SLC24A2: variants seen among roughly 807,000 people sequenced by gnomAD.
SLC24A2 encodes the protein sodium/potassium/calcium exchanger 2.
A neutral mutation model predicts 62.0 loss-of-function variants in SLC24A2; 36 were observed. That is an observed-to-expected ratio of 0.58 (90% confidence interval 0.44 to 0.77). SLC24A2 has a LOEUF of 0.77. Ranked by LOEUF, SLC24A2 falls within the 30% of genes least tolerant of loss-of-function variation. The probability of loss-of-function intolerance (pLI) is 0.00; values close to 1 mark genes in which losing one functional copy is unlikely to be tolerated. For missense variants in SLC24A2, 846 were observed against 817.9 expected (o/e 1.03, Z -0.42); for synonymous variants, 358 against 294.0 (o/e 1.22, Z -2.23).
At chr9:20,086,687 C>G in the SLC24A2 span, among the ~76,000 whole-genome samples, 267 of 152,324 alleles carry the variant, frequency 1.8e-3, 1 homozygote, top group Non-Finnish European at 2.2e-3. Flanking sequence ...CTTTGCTCCT[C>G]TGTTGCCTCT....
the SLC24A2 span, among the ~76,000 whole-genome samples, chr9:19,846,269 T>C: frequency 1.3e-5 from 2 of 152,226 alleles, no homozygotes; most frequent in Non-Finnish European, 2.9e-5. Flanking sequence ...TGAACCCAAG[T>C]ATGCCAATGT....
At chr9:20,135,562 G>A in the SLC24A2 span, among the ~76,000 whole-genome samples, 1 of 151,988 alleles carries the variant, frequency 6.6e-6, no homozygotes, top group Admixed American at 6.6e-5. Context: ...AGTATTAACT[G>A]CGATAACATA....
Position 19,773,018 on chromosome 9 carries a change from G to T in SLC24A2, c.930+12919C>A, listed in dbSNP as rs1167251226. 2.6e-5 allele frequency among the ~76,000 whole-genome samples: 4 copies of T among 152,278 alleles called. No individual in the cohort carries two copies. The East Asian group carries it at 7.7e-4, about 29-fold the overall frequency. On this transcript the variant is annotated intron_variant, in intron 2 of 10. Transcript: ENST00000341998. ...TTGGACATAAAAAGGTTACAACATG[G>T]ACGAACCTTAAAAACATTACGCTAA...
the SLC24A2 span, among the ~76,000 whole-genome samples, chr9:20,126,622 C>G: frequency 6.6e-6 from 1 of 152,068 alleles, no homozygotes; most frequent in African/African-American, 2.4e-5. Context: ...GGGAAAGTGC[C>G]GGAAATGAGT....
At chr9:19,622,955 C>A (rs747090631) in intron 2 of SLC24A2, among the ~76,000 whole-genome samples, 2 of 152,204 alleles carry the variant, frequency 1.3e-5, no homozygotes, top group Non-Finnish European at 2.9e-5. Context: ...CCTTCTGTTC[C>A]CATCACCTCA....
the SLC24A2 span, among the ~76,000 whole-genome samples, chr9:20,059,612 C>T: frequency 2.0e-5 from 3 of 152,024 alleles, no homozygotes; most frequent in Non-Finnish European, 4.4e-5. Context: ...AAAATGAAAA[C>T]ATAGCATACC....
chr9:19,616,051 T>G (rs2117860270), intron 4 of SLC24A2, among the ~76,000 whole-genome samples: 1 of 149,962 alleles, frequency 6.7e-6, no homozygotes, highest in Non-Finnish European at 1.5e-5. Flanking sequence ...TGCATATGAT[T>G]AAACATCTCT....
At chr9:20,118,766 C>G in the SLC24A2 span, among the ~76,000 whole-genome samples, 2 of 152,108 alleles carry the variant, frequency 1.3e-5, no homozygotes, top group African/African-American at 2.4e-5. Context: ...GCTAATATCT[C>G]TCATGAACAT....
chr9:19,613,765 G>C (rs921245823), intron 4 of SLC24A2, among the ~76,000 whole-genome samples: 2 of 152,170 alleles, frequency 1.3e-5, no homozygotes, highest in African/African-American at 4.8e-5. Context: ...ATGCTGGGTT[G>C]GACATGGGGT....
intron 8 of SLC24A2, among the ~76,000 whole-genome samples, chr9:19,528,450 G>T (rs181086646): frequency 5.3e-5 from 8 of 152,236 alleles, no homozygotes; most frequent in South Asian, 4.1e-4. Flanking sequence ...CTAAGGCCTG[G>T]TTTTTTGGCC....
the SLC24A2 span, among the ~76,000 whole-genome samples, chr9:19,961,223 T>C: frequency 6.6e-6 from 1 of 151,258 alleles, no homozygotes; most frequent in African/African-American, 2.4e-5. Context: ...AAACTTAAAG[T>C]ATAATAATAA....
chr9:19,873,728 A>T, the SLC24A2 span, among the ~76,000 whole-genome samples: 3 of 152,142 alleles, frequency 2.0e-5, no homozygotes, highest in African/African-American at 7.2e-5. Context: ...ACTCAGTTTT[A>T]TCATGAGAAT....
chr9:19,902,767 T>C, the SLC24A2 span, among the ~76,000 whole-genome samples: 5 of 152,204 alleles, frequency 3.3e-5, no homozygotes, highest in East Asian at 5.8e-4. Context: ...GAATAAGAGG[T>C]AATCACTATA....
chr9:19,764,326 T>C (rs528561285), intron 2 of SLC24A2, among the ~76,000 whole-genome samples: 5 of 152,328 alleles, frequency 3.3e-5, no homozygotes, highest in African/African-American at 1.2e-4. Flanking sequence ...AGTTCTGCTC[T>C]GATCTTACTT....
chr9:20,080,463 T>C, the SLC24A2 span, among the ~76,000 whole-genome samples: 6 of 152,274 alleles, frequency 3.9e-5, no homozygotes, highest in East Asian at 9.6e-4. Flanking sequence ...TTACACCTTA[T>C]ACAAAAATTA....
chr9:19,634,839 T>C (rs1404650383), intron 2 of SLC24A2, among the ~76,000 whole-genome samples: 1 of 152,196 alleles, frequency 6.6e-6, no homozygotes, highest in Non-Finnish European at 1.5e-5. Flanking sequence ...TGCATCCCTC[T>C]AATCTTATTA....
chr9:20,231,039 G>C, the SLC24A2 span, among the ~76,000 whole-genome samples: 1 of 152,134 alleles, frequency 6.6e-6, no homozygotes, highest in East Asian at 1.9e-4. Flanking sequence ...AGATCAGATA[G>C]TTGTAGATAT....
the SLC24A2 span, among the ~76,000 whole-genome samples, chr9:20,215,265 C>T: frequency 1.3e-4 from 20 of 152,278 alleles, no homozygotes; most frequent in Admixed American, 3.9e-4. Context: ...CCGAATCACA[C>T]GCCAAAGGTC....
chr9:19,770,508 T>C (rs967878978), intron 2 of SLC24A2, among the ~76,000 whole-genome samples: 1 of 152,206 alleles, frequency 6.6e-6, no homozygotes, highest in Admixed American at 6.5e-5. Context: ...AGTCTCTTCA[T>C]GTCTGCAGTT....
Sources: allele counts gnomAD v4.1 joint callset (sites outside exome capture counted in the v4.1 genomes callset), GRCh38; gene constraint gnomAD v4.1.1; transcripts MANE v1.5; gene names NCBI Gene and HGNC (gene_info 2026-07-23, HGNC 2026-07-21).